SLC35A3: variants seen among roughly 807,000 people sequenced by gnomAD.
SLC35A3 encodes the protein UDP-N-acetylglucosamine transporter.
SLC35A3 carries 26 observed loss-of-function variants against 39.0 expected under a neutral mutation model. The ratio of observed to expected loss-of-function variants is 0.67; its 90% confidence interval spans 0.49 to 0.92. The LOEUF (loss-of-function observed/expected upper bound fraction) is 0.92, where lower values mean the gene tolerates loss of function less well. Ranked by LOEUF, SLC35A3 falls within the 40% of genes least tolerant of loss-of-function variation. SLC35A3 has a pLI of 0.00. For missense variants in SLC35A3, 299 were observed against 371.6 expected, an observed-to-expected ratio of 0.80 and a Z score of 1.61; for synonymous variants, 135 against 133.1, an observed-to-expected ratio of 1.01 and a Z score of -0.10.
chr1:99,993,680 A>C lies in SLC35A3; in HGVS notation c.126A>C (p.Ala42=). ...EEGPRYLSST[A]VVVAELLKIM... The stretch of plus-strand genomic sequence containing the variant: ...GACCTCGTTATCTATCTTCTACAGC[A>C]GTGGTTGTTGCTGAACTTTTGAAGA... The change falls in exon 2 of 8, where the codon GCA becomes GCC. Residue 42 remains alanine, a synonymous_variant. Coordinates refer to ENST00000533028, the MANE Select transcript of SLC35A3 (RefSeq NM_012243.3). 6.2e-7 allele frequency: 1 copy of C among 1,613,894 alleles called. No homozygotes were observed. Among genetic ancestry groups the C allele is most frequent in the Non-Finnish European group, 8.5e-7 (1 of 1,179,916 alleles).
At chr1:99,990,576 A>C (rs1016472201) in intron 1 of SLC35A3, among the ~76,000 whole-genome samples, 3 of 152,242 alleles carry the variant, frequency 2.0e-5, no homozygotes, top group Non-Finnish European at 1.5e-5. Flanking sequence ...GTCTCAAAAA[A>C]TAAATAAATA....
intron 2 of SLC35A3, among the ~76,000 whole-genome samples, chr1:99,997,818 AG>A (rs1570595021): frequency 6.7e-6 from 1 of 148,154 alleles, no homozygotes; most frequent in East Asian, 1.9e-4. Flanking sequence ...TGAACCTAGA[AG>A]CCTGTTTATC....
In SLC35A3 at chr1:100,017,816, G is replaced by T; in HGVS notation, c.887+1G>T. 1 of 1,545,988 alleles carries T rather than the reference G, an allele frequency of 6.5e-7. No homozygotes were observed. Among genetic ancestry groups the T allele is most frequent in the Admixed American group, 2.1e-5 (1 of 46,806 alleles). On this transcript the variant is annotated splice_donor_variant, in intron 7 of 7. Coordinates refer to ENST00000533028, the MANE Select transcript of SLC35A3 (RefSeq NM_012243.3). LOFTEE classifies it high-confidence loss of function. ...GGCTTCAAGATTTTGTGCCAACCAGGTAAAATGTTCTTTTCTATTTTTTTA... is the reference window on the plus strand; with the variant it reads ...GGCTTCAAGATTTTGTGCCAACCAGTTAAAATGTTCTTTTCTATTTTTTTA...
At chr1:100,014,461 A>G (rs1453200533) in intron 5 of SLC35A3, among the ~76,000 whole-genome samples, 1 of 152,104 alleles carries the variant, frequency 6.6e-6, no homozygotes, top group African/African-American at 2.4e-5. Flanking sequence ...GGGTCAAATG[A>G]TTCTCCTGCT....
chr1:100,006,584 C>T (rs1659245600), intron 3 of SLC35A3, among the ~76,000 whole-genome samples: 1 of 152,054 alleles, frequency 6.6e-6, no homozygotes, highest in Admixed American at 6.5e-5. Context: ...AGGAGGCATG[C>T]GTGGGCAGTA....
chr1:99,994,350 AT>A (rs1345411062), intron 2 of SLC35A3, among the ~76,000 whole-genome samples: 16 of 131,388 alleles, frequency 1.2e-4, no homozygotes, highest in Non-Finnish European at 2.5e-4. Flanking sequence ...TTTATCTAAA[AT>A]TTTTTATCTA....
Position 100,017,575 on chromosome 1 carries a change from G to A in SLC35A3, c.754-107G>A, listed in dbSNP as rs1570625695. The A allele has an allele frequency of 2.6e-5, 17 of 660,604 alleles. No homozygotes were observed. The East Asian group carries it at 5.4e-4, about 21-fold the overall frequency. 40.9% of individuals were successfully genotyped at this position (660,604 alleles called of 1,614,324 possible). ...TTTAAAATAAATCCCTTACTATAAT[G>A]GGATTGAATTTATGGGACAAAAGCT... On this transcript the variant is annotated intron_variant, in intron 6 of 7. Transcript: ENST00000533028.
intron 3 of SLC35A3, among the ~76,000 whole-genome samples, chr1:100,002,281 T>G (rs1000496998): frequency 6.6e-6 from 1 of 152,170 alleles, no homozygotes; most frequent in African/African-American, 2.4e-5. Context: ...TAAGTGCTGA[T>G]TGAATCCTGT....
At chr1:100,003,039 T>G (rs961649295) in intron 3 of SLC35A3, among the ~76,000 whole-genome samples, 2 of 152,192 alleles carry the variant, frequency 1.3e-5, no homozygotes, top group Non-Finnish European at 2.9e-5. Context: ...AGGCATTTAT[T>G]GCTGTAAACT....
At chr1:100,015,262 A>G in intron 5 of SLC35A3, 40 bp from the exon 6 acceptor site, 1 of 1,498,152 alleles carries the variant, frequency 6.7e-7, no homozygotes, top group Non-Finnish European at 8.9e-7. Context: ...CTCTTCAGAC[A>G]AACTAAACGA....
At chr1:99,983,358 T>C (rs919089632) in intron 1 of SLC35A3, among the ~76,000 whole-genome samples, 2 of 151,624 alleles carry the variant, frequency 1.3e-5, no homozygotes, top group Non-Finnish European at 2.9e-5. Context: ...ACCAACATGG[T>C]GAAACCCCGT....
intron 3 of SLC35A3, among the ~76,000 whole-genome samples, chr1:100,002,572 A>G (rs1452865725): frequency 6.6e-6 from 1 of 150,788 alleles, no homozygotes; most frequent in African/African-American, 2.4e-5. Flanking sequence ...CATCCTTTGT[A>G]TTTTTGTTTA....
chr1:100,022,304 T>C, intron 7 of SLC35A3, 82 bp from the exon 8 acceptor site: 1 of 707,958 alleles, frequency 1.4e-6, no homozygotes, highest in South Asian at 2.0e-5. Flanking sequence ...ATTATAATTG[T>C]TTTTATAGTA....
In SLC35A3 at chr1:99,977,823, GAC is replaced by G. The variant is rs914538641; in HGVS notation, c.-19+7664_-19+7665del. Among the ~76,000 whole-genome samples the G allele has an allele frequency of 1.7e-3, 255 of 152,348 alleles. 3 individuals carry two copies. The highest frequency in any genetic ancestry group is 5.7e-3 in the African/African-American group (238 of 41,586). ...CAAAGTGCTGGGATTATAGGTGTGAGACACCGTGCCTGGCCCTCGTATGCTTT... is the reference window on the plus strand; with the variant it reads ...CAAAGTGCTGGGATTATAGGTGTGAGACCGTGCCTGGCCCTCGTATGCTTT... On this transcript the variant is annotated intron_variant, in intron 1 of 7. Coordinates refer to ENST00000533028, the MANE Select transcript of SLC35A3 (RefSeq NM_012243.3).
intron 5 of SLC35A3, 135 bp from the exon 6 acceptor site, chr1:100,015,157 CAAAAAAAAAA>C (rs760381564): frequency 3.1e-5 from 14 of 454,652 alleles, no homozygotes; most frequent in Admixed American, 7.8e-5. Flanking sequence ...GACTCCGTCT[CAAAAAAAAAA>C]AAAAAAAAAA....
At chr1:99,998,697 C>T (rs770350806) in intron 2 of SLC35A3, among the ~76,000 whole-genome samples, 5 of 152,094 alleles carry the variant, frequency 3.3e-5, no homozygotes, top group African/African-American at 7.2e-5. Flanking sequence ...AGAGAGAGAG[C>T]GCCTGGGTCC....
rs563542612 is a variant in SLC35A3 at position 99,982,956 on chromosome 1, A to G, written c.-18-10581A>G. Among the ~76,000 whole-genome samples the G allele has an allele frequency of 3.3e-5, 5 of 152,316 alleles. No individual in the cohort carries two copies. The East Asian group carries it at 7.7e-4, about 23-fold the overall frequency. On this transcript the variant is annotated intron_variant, in intron 1 of 7. Coordinates refer to ENST00000533028, the MANE Select transcript of SLC35A3 (RefSeq NM_012243.3). The stretch of plus-strand genomic sequence containing the variant: ...AAATATTTTTTGTGCACAGGACTGT[A>G]AAGGATTTATAGAAGTACTAGCAAT...
intron 4 of SLC35A3, chr1:100,009,285 C>T (rs1272811927): frequency 6.6e-6 from 1 of 151,960 alleles, no homozygotes; most frequent in Non-Finnish European, 1.5e-5. Flanking sequence ...ATTTGTGTTT[C>T]AGTAGGTCGG....
chr1:100,004,498 G>A (rs941048844), intron 3 of SLC35A3, among the ~76,000 whole-genome samples: 3 of 151,892 alleles, frequency 2.0e-5, no homozygotes, highest in Middle Eastern at 6.8e-3. Context: ...ATGAGGTTTC[G>A]TCATGTTTCC....
Sources: gnomAD v4.1 joint callset for allele counts (sites outside exome capture counted in the v4.1 genomes callset) on GRCh38, gnomAD v4.1.1 for gene constraint, MANE v1.5 for transcripts, NCBI Gene and HGNC (gene_info 2026-07-23, HGNC 2026-07-21) for gene names.